NOL8: variants seen among roughly 807,000 people sequenced by gnomAD.
NOL8 encodes nucleolar protein Nop132.
In NOL8, 93 loss-of-function variants were observed where a neutral mutation model predicts 116.1. The observed-to-expected ratio is 0.80, with a 90% CI of 0.68 to 0.95. NOL8 has a LOEUF of 0.95. Among genes scored for constraint, NOL8 ranks in the 40% least tolerant of loss-of-function variants. The pLI, the probability that NOL8 is intolerant of heterozygous loss-of-function variation, is 0.00. For missense variants in NOL8, 1,291 were observed against 1,382.8 expected, an observed-to-expected ratio of 0.93 and a Z score of 1.05; for synonymous variants, 419 against 469.0, an observed-to-expected ratio of 0.89 and a Z score of 1.38.
intron 7 of NOL8, among the ~76,000 whole-genome samples, chr9:92,313,183 A>G (rs1273332643): frequency 6.6e-6 from 1 of 152,088 alleles, no homozygotes; most frequent in African/African-American, 2.4e-5. Flanking sequence ...AGTCCTATCA[A>G]TTAAACTTTT....
Position 92,304,879 on chromosome 9 carries a change from T to C in NOL8, c.2903+874A>G, listed in dbSNP as rs569479280. Among the ~76,000 whole-genome samples, 41 of 152,286 alleles carry C rather than the reference T, an allele frequency of 2.7e-4. No homozygotes were observed. In the South Asian group the frequency reaches 4.1e-3, roughly 15 times the overall value. On this transcript the variant is annotated intron_variant, in intron 12 of 16. Transcript: ENST00000442668. Reference sequence around the variant, plus strand: ...ATTGTCCTGTTGTTTCAAGATTCAATTCAGGATACCACACTGCCTTTTGTG... The same window carrying C: ...ATTGTCCTGTTGTTTCAAGATTCAACTCAGGATACCACACTGCCTTTTGTG...
rs1237079677 is a variant in NOL8 at position 92,297,666 on chromosome 9, T to C, written c.*170A>G. On this transcript the variant is annotated 3_prime_UTR_variant, in exon 17 of 17. Transcript: ENST00000442668. ...TTTGAAGTAATTACTTAGGAAGAAA[T>C]GCAGAGGAGTTCCACAGAAAAAGAT... The C allele has an allele frequency of 1.7e-6, 1 of 585,050 alleles. No individual in the cohort carries two copies. The highest frequency in any genetic ancestry group is 3.0e-6 in the Non-Finnish European group (1 of 328,400). 36.2% of individuals were successfully genotyped at this position (585,050 alleles called of 1,614,324 possible).
At chr9:92,298,542 T>G in intron 15 of NOL8, 1 of 498,900 alleles carries the variant, frequency 2.0e-6, no homozygotes. Flanking sequence ...CATTTACTAT[T>G]ATGTAACTTT....
chr9:92,319,805 A>AGC, intron 4 of NOL8: 1 of 327,316 alleles, frequency 3.1e-6, no homozygotes, highest in Non-Finnish European at 6.0e-6. Flanking sequence ...CCTTACCACC[A>AGC]GCAACTGAGC....
Position 92,315,440 on chromosome 9 carries a change from T to G in NOL8, c.1185A>C (p.Lys395Asn). 6.3e-7 allele frequency: 1 copy of G among 1,593,534 alleles called. No individual in the cohort carries two copies. The highest frequency in any genetic ancestry group is 2.2e-5 in the East Asian group (1 of 44,604). Reference sequence around the variant, plus strand: ...CCATTTGTGAAAATTCTGTACTGTTTTTGACCTTAGCAACATTTTTTTTCA... The same window carrying G: ...CCATTTGTGAAAATTCTGTACTGTTGTTGACCTTAGCAACATTTTTTTTCA... ...IAMKKNVAKV[K>N]NSTEFSQMEK... The change falls in exon 7 of 17, where the codon AAA (lysine) becomes AAC (asparagine). Residue 395 changes from lysine (K) to asparagine (N), a missense_variant. Transcript: ENST00000442668.
chr9:92,308,551 A>G (rs369253507), intron 10 of NOL8, among the ~76,000 whole-genome samples: 3 of 152,250 alleles, frequency 2.0e-5, no homozygotes, highest in African/African-American at 7.2e-5. Flanking sequence ...GCTCAGCAGA[A>G]CAGCAAGGAA....
intron 10 of NOL8, among the ~76,000 whole-genome samples, chr9:92,308,493 A>G (rs1396601726): frequency 6.6e-6 from 1 of 152,272 alleles, no homozygotes; most frequent in Non-Finnish European, 1.5e-5. Context: ...ACACAAACTC[A>G]GGAAAGCCTG....
At position 92,314,858 on chromosome 9, in the gene NOL8, C is replaced by G. The variant is rs138075686; in HGVS notation, c.1767G>C (p.Leu589Phe). 4.5e-5 allele frequency: 72 copies of G among 1,613,398 alleles called. 1 individual carries two copies. The East Asian group carries it at 1.6e-3, about 36-fold the overall frequency. Reference sequence around the variant, plus strand: ...TATTGTTAGAGGCAACACTGTCTTTCAAGGATTTTTTCATTGACTCCTTTT... The same window carrying G: ...TATTGTTAGAGGCAACACTGTCTTTGAAGGATTTTTTCATTGACTCCTTTT... ...LYEKESMKKSLKDSVASNNKD... is the reference protein window; with the variant it reads ...LYEKESMKKSFKDSVASNNKD... Residue 589 changes from leucine to phenylalanine, a missense_variant, in exon 7 of 17, where the codon TTG becomes TTC. Leu to Phe is a conservative substitution (Grantham distance 22). Transcript: ENST00000442668.
Position 92,316,530 on chromosome 9 carries a change from G to A in NOL8, c.487-392C>T, listed in dbSNP as rs921298234. Among the ~76,000 whole-genome samples, 6 of 152,354 alleles carry A rather than the reference G, an allele frequency of 3.9e-5. 1 individual carries two copies. The highest frequency in any genetic ancestry group is 1.4e-4 in the African/African-American group (6 of 41,582). ...GAGAACCCAGAGGACATGGCCACAT[G>A]TGTGTCCTTTACTCTCAAATTCTTT... On this transcript the variant is annotated intron_variant, in intron 6 of 16. Transcript: ENST00000442668.
chr9:92,317,104 C>T lies in NOL8; in HGVS notation c.487-966G>A, dbSNP rs1839481840. Among the ~76,000 whole-genome samples the T allele has an allele frequency of 3.3e-5, 5 of 152,148 alleles. No homozygotes were observed. The South Asian group carries it at 1.0e-3, about 32-fold the overall frequency. ...AGTGGCAGGGACCACAGGCATGTGC[C>T]ACCGGGCCCAGCCTGATTTTTCTTT... On this transcript the variant is annotated intron_variant, in intron 6 of 16. Coordinates refer to ENST00000442668, the MANE Select transcript of NOL8 (RefSeq NM_017948.6).
intron 4 of NOL8, 53 bp downstream of exon 4, chr9:92,321,615 C>A: frequency 1.0e-6 from 1 of 973,208 alleles, no homozygotes; most frequent in Non-Finnish European, 1.5e-6. Context: ...ATATATAAAA[C>A]CACTTACAAT....
At position 92,315,476 on chromosome 9, in the gene NOL8, T is replaced by C; in HGVS notation, c.1149A>G (p.Glu383=). The change falls in exon 7 of 17, where the codon GAA becomes GAG. Residue 383 remains glutamate (E), a synonymous_variant. Transcript: ENST00000442668. ...CAACATTTTTTTTCATCGCAATAATTTCATCTGTATCTCCTGAGTCATACT... is the reference window on the plus strand; with the variant it reads ...CAACATTTTTTTTCATCGCAATAATCTCATCTGTATCTCCTGAGTCATACT... The part of the protein sequence containing the change: ...DREYDSGDTD[E]IIAMKKNVAK... 1 of 1,605,278 alleles carries C rather than the reference T, an allele frequency of 6.2e-7. No individual in the cohort carries two copies. The highest frequency in any genetic ancestry group is 1.3e-5 in the African/African-American group (1 of 75,020).
intron 16 of NOL8, 135 bp from the exon 17 acceptor site, chr9:92,298,021 G>A (rs1004587061): frequency 1.3e-6 from 1 of 783,042 alleles, no homozygotes; most frequent in Non-Finnish European, 2.0e-6. Context: ...GAAATGAAGA[G>A]GGGATATTGG....
chr9:92,320,105 C>CATT (rs1293439944), intron 4 of NOL8: 1 of 455,966 alleles, frequency 2.2e-6, no homozygotes, highest in Non-Finnish European at 4.4e-6. Context: ...CTTTCGGAGC[C>CATT]CAATTTGTTA....
At position 92,310,692 on chromosome 9, in the gene NOL8, C is replaced by T; in HGVS notation, c.2473-17G>A. 6.3e-7 allele frequency: 1 copy of T among 1,588,688 alleles called. No individual in the cohort carries two copies. Among genetic ancestry groups the T allele is most frequent in the Admixed American group, 1.9e-5 (1 of 53,670 alleles). ...CATAGACTCCTGTGAAGAAACACAA[C>T]ATTTATTAATAGCAGAGGCAAACAA... On this transcript the variant is annotated splice_polypyrimidine_tract_variant and intron_variant, in intron 8 of 16. Coordinates refer to ENST00000442668, the MANE Select transcript of NOL8 (RefSeq NM_017948.6).
intron 12 of NOL8, among the ~76,000 whole-genome samples, chr9:92,305,468 C>CT (rs1200039039): frequency 6.6e-6 from 1 of 152,068 alleles, no homozygotes; most frequent in African/African-American, 2.4e-5. Flanking sequence ...TTTGTGGTAG[C>CT]TACAGAAGAC....
intron 5 of NOL8, 74 bp downstream of exon 5, chr9:92,319,147 C>T: frequency 7.0e-7 from 1 of 1,426,270 alleles, no homozygotes; most frequent in South Asian, 1.6e-5. Context: ...TTAGACATGA[C>T]ACCCACAATC....
chr9:92,317,288 T>A (rs1839501588), intron 6 of NOL8, among the ~76,000 whole-genome samples: 1 of 152,238 alleles, frequency 6.6e-6, no homozygotes, highest in African/African-American at 2.4e-5. Context: ...AAGTCCCTTT[T>A]TTCAATAACT....
chr9:92,301,465 C>G (rs1837735394), intron 13 of NOL8, 86 bp downstream of exon 13: 2 of 1,050,476 alleles, frequency 1.9e-6, no homozygotes, highest in Non-Finnish European at 2.6e-6. Flanking sequence ...CTTCAGCTAA[C>G]ATGAAATCTG....
Sources: allele counts gnomAD v4.1 joint callset (sites outside exome capture counted in the v4.1 genomes callset), GRCh38; gene constraint gnomAD v4.1.1; transcripts MANE v1.5; gene names NCBI Gene and HGNC (gene_info 2026-07-23, HGNC 2026-07-21).